Variants in ASCC2 observed in about 807,000 individuals in gnomAD.
ASCC2 encodes activating signal cointegrator 1 complex subunit 2.
A neutral mutation model predicts 93.5 loss-of-function variants in ASCC2; 42 were observed. The observed-to-expected ratio is 0.45, with a 90% CI of 0.35 to 0.58. The LOEUF (loss-of-function observed/expected upper bound fraction) is 0.58. Among genes scored for constraint, ASCC2 ranks in the 20% least tolerant of loss-of-function variants. The pLI, the probability that ASCC2 is intolerant of heterozygous loss-of-function variation, is 0.00. For synonymous variants in ASCC2, 364 were observed against 384.2 expected (o/e 0.95, Z 0.62); for missense variants, 859 against 977.6 (o/e 0.88, Z 1.62).
intron 1 of ASCC2, among the ~76,000 whole-genome samples, chr22:29,837,900 G>A (rs977537495): frequency 6.6e-5 from 10 of 152,212 alleles, no homozygotes; most frequent in African/African-American, 2.4e-4. Flanking sequence ...AATATTTGCT[G>A]AACGAATGAA....
chr22:29,827,810 GAC>G (rs1333749764), intron 2 of ASCC2, among the ~76,000 whole-genome samples: 13 of 35,950 alleles, frequency 3.6e-4, no homozygotes, highest in East Asian at 1.0e-3. Context: ...TACTCATTCT[GAC>G]ACACACACAC....
rs534299972 is a variant in ASCC2, at chr22:29,832,077, G to A, written c.81+168C>T. Among the ~76,000 whole-genome samples, 16 of 152,296 alleles carry A rather than the reference G, an allele frequency of 1.1e-4. No individual in the cohort carries two copies. In the East Asian group the frequency reaches 2.3e-3, roughly 22 times the overall value. Reference sequence around the variant, plus strand: ...GCAAATTCAAGTTGCTGCTCGGAAGGAAATTCCTACTCTGGGCCTGGAAGA... The same window carrying A: ...GCAAATTCAAGTTGCTGCTCGGAAGAAAATTCCTACTCTGGGCCTGGAAGA... On this transcript the variant is annotated intron_variant, in intron 2 of 19. Transcript: ENST00000307790.
chr22:29,818,102 G>GAA (rs34780837), intron 5 of ASCC2, among the ~76,000 whole-genome samples: 4 of 118,834 alleles, frequency 3.4e-5, no homozygotes, highest in South Asian at 2.8e-4. Context: ...GGATTGCTTG[G>GAA]AAAAAAAAAA....
At chr22:29,790,324 A>G in intron 19 of ASCC2, 145 bp downstream of exon 19, 1 of 759,506 alleles carries the variant, frequency 1.3e-6, no homozygotes, top group Non-Finnish European at 2.1e-6. Flanking sequence ...GGATAGTGAT[A>G]ATGGTAGCTA....
At chr22:29,795,966 A>G (rs1431384978) in intron 15 of ASCC2, among the ~76,000 whole-genome samples, 2 of 152,090 alleles carry the variant, frequency 1.3e-5, no homozygotes, top group Non-Finnish European at 2.9e-5. Flanking sequence ...CAGAGCTTCC[A>G]TAAAAATCTT....
intron 5 of ASCC2, among the ~76,000 whole-genome samples, chr22:29,818,407 CACACACACACA>C (rs2061143323): frequency 3.0e-4 from 1 of 3,320 alleles, no homozygotes; most frequent in Non-Finnish European, 7.1e-4. Flanking sequence ...CCTGCCTACA[CACACACACACA>C]CACACACACA....
chr22:29,793,774 C>T, intron 15 of ASCC2, 98 bp from the exon 16 acceptor site: 1 of 1,129,516 alleles, frequency 8.9e-7, no homozygotes. Flanking sequence ...ACTGCTCCAG[C>T]CCTCAGACTG....
At chr22:29,837,502 T>A (rs1602350660) in intron 1 of ASCC2, among the ~76,000 whole-genome samples, 1 of 152,162 alleles carries the variant, frequency 6.6e-6, no homozygotes, top group East Asian at 1.9e-4. Flanking sequence ...TAATCATGAC[T>A]ATGTCTGTGC....
At position 29,790,643 on chromosome 22, in the gene ASCC2, C is replaced by T. The variant is rs76833153; in HGVS notation, c.2023-95G>A. ...CTGCTCAAGTGAAGCTTGTCGATGC[C>T]TCCATGCCAGGTGTGGGGGGAAGCT... is the stretch of plus-strand genomic sequence containing the variant. On this transcript the variant is annotated intron_variant, in intron 18 of 19. Transcript: ENST00000307790. The T allele has an allele frequency of 2.0e-3, 2,608 of 1,284,064 alleles. 40 individuals are homozygous for T. In the African/African-American group the frequency reaches 0.034, roughly 17 times the overall value. The allele number at this position is 1,284,064 out of a possible 1,614,324, so 79.5% of individuals were successfully genotyped here.
chr22:29,818,403 T>TACACAC lies in ASCC2; in HGVS notation c.542-2336_542-2331dup, dbSNP rs35685093. 1.9e-3 allele frequency among the ~76,000 whole-genome samples: 205 copies of TACACAC among 108,098 alleles called. 2 individuals carry two copies. Among genetic ancestry groups the TACACAC allele is most frequent in the South Asian group, 3.8e-3 (8 of 2,112 alleles). 70.9% of individuals were successfully genotyped at this position (108,098 alleles called of 152,430 possible). ...TCCCTTCTCTGCATCACTCCCTGCC[T>TACACAC]ACACACACACACACACACACACACA... On this transcript the variant is annotated intron_variant, in intron 5 of 19. Coordinates refer to ENST00000307790, the MANE Select transcript of ASCC2 (RefSeq NM_032204.5).
At chr22:29,817,572 T>G (rs2061006638) in intron 5 of ASCC2, among the ~76,000 whole-genome samples, 1 of 152,134 alleles carries the variant, frequency 6.6e-6, no homozygotes, top group Non-Finnish European at 1.5e-5. Context: ...AGGAGAGGTC[T>G]CCTCTTACAA....
chr22:29,808,931 C>T (rs1030855532), intron 8 of ASCC2, among the ~76,000 whole-genome samples: 6 of 151,660 alleles, frequency 4.0e-5, no homozygotes, highest in African/African-American at 1.5e-4. Flanking sequence ...ACCAGCCTGG[C>T]CAACATGGTG....
intron 7 of ASCC2, 78 bp from the exon 8 acceptor site, chr22:29,813,620 A>G (rs991430574): frequency 2.0e-6 from 2 of 978,522 alleles, no homozygotes; most frequent in Non-Finnish European, 1.6e-6. Context: ...GACAACATTA[A>G]AACAGTCAGG....
In ASCC2 at chr22:29,825,733, G is replaced by C. The variant is rs2062218577; in HGVS notation, c.129C>G (p.Pro43=). The change falls in exon 3 of 20, where the codon CCC becomes CCG. Residue 43 remains proline (P), a synonymous_variant. Transcript: ENST00000307790. This position sits in a 1 kb window ranked among gnomAD's most constrained non-coding sequence, Gnocchi z 4.9. ...ADRYFVLYKP[P]PKDNIPALVE... is the part of the protein sequence containing the mutation. ...CTAGGGCGGGAATGTTGTCTTTAGGGGGCGGTTTGTATAACACAAAATACC... is the reference window on the plus strand; with the variant it reads ...CTAGGGCGGGAATGTTGTCTTTAGGCGGCGGTTTGTATAACACAAAATACC... 6.2e-7 allele frequency: 1 copy of C among 1,614,046 alleles called. No homozygotes were observed. The highest frequency in any genetic ancestry group is 1.7e-5 in the Admixed American group (1 of 60,004).
chr22:29,838,029 G>C (rs545310069), intron 1 of ASCC2, 149 bp downstream of exon 1: 1 of 377,906 alleles, frequency 2.6e-6, no homozygotes, highest in East Asian at 8.0e-5. Context: ...GCCAAGTCTC[G>C]AGAGGCGGCT....
Position 29,825,533 on chromosome 22 carries a change from C to T in ASCC2, c.240+89G>A, listed in dbSNP as rs1816246840. 1.3e-6 allele frequency: 2 copies of T among 1,570,052 alleles called. No homozygotes were observed. Among genetic ancestry groups the T allele is most frequent in the Non-Finnish European group, 1.7e-6 (2 of 1,143,014 alleles). ...CCAGTGAAAGAAGTAGACAAAAAAG[C>T]ACCTCCTAGGGGAAGAAAAACAACA... On this transcript the variant is annotated intron_variant, in intron 3 of 19. Coordinates refer to ENST00000307790, the MANE Select transcript of ASCC2 (RefSeq NM_032204.5). The surrounding 1 kb of genome is among the most constrained non-coding windows in gnomAD (Gnocchi z 4.9).
At chr22:29,829,044 C>T (rs896050741) in intron 2 of ASCC2, among the ~76,000 whole-genome samples, 1 of 151,940 alleles carries the variant, frequency 6.6e-6, no homozygotes, top group Non-Finnish European at 1.5e-5. Flanking sequence ...GGTGTAGTGG[C>T]ACGCACCTAT....
At chr22:29,791,251 C>T (rs1168190361) in intron 18 of ASCC2, among the ~76,000 whole-genome samples, 1 of 152,016 alleles carries the variant, frequency 6.6e-6, no homozygotes, top group African/African-American at 2.4e-5. Context: ...GTGGTGTGAG[C>T]CCATAATCCC....
intron 2 of ASCC2, among the ~76,000 whole-genome samples, chr22:29,829,413 T>A (rs1208378459): frequency 1.3e-5 from 2 of 152,112 alleles, no homozygotes; most frequent in African/African-American, 4.8e-5. Flanking sequence ...ACAGATCTGC[T>A]GGCTGGACAA....
Sources: allele counts gnomAD v4.1 joint callset (sites outside exome capture counted in the v4.1 genomes callset), GRCh38; gene constraint gnomAD v4.1.1; non-coding constraint Gnocchi (gnomAD v3.1); transcripts MANE v1.5; gene names NCBI Gene and HGNC (gene_info 2026-07-23, HGNC 2026-07-21).